The following UBR4 variants were observed in gnomAD, a reference collection of about 807,000 sequenced individuals.
The protein encoded by UBR4 is ubiquitin protein ligase E3 component n-recognin 4, also known as E3 ubiquitin-protein ligase UBR4.
UBR4 carries 124 observed loss-of-function variants against 575.6 expected under a neutral mutation model. The observed-to-expected ratio is 0.22, with a 90% CI of 0.19 to 0.25. The LOEUF is 0.25. Among genes scored for constraint, UBR4 ranks in the 10% least tolerant of loss-of-function variants. The pLI is 1.00. For missense variants in UBR4, 4,818 were observed against 6,478.8 expected, an observed-to-expected ratio of 0.74 and a Z score of 8.80; for synonymous variants, 2,455 against 2,473.7, an observed-to-expected ratio of 0.99 and a Z score of 0.22.
chr1:19,143,262 GAAA>G (rs1427034643), intron 55 of UBR4, among the ~76,000 whole-genome samples: 1,631 of 38,132 alleles, frequency 0.043, 26 homozygotes, highest in Middle Eastern at 0.081. Flanking sequence ...AAGGAAGGAA[GAAA>G]GAAAGAAAGA....
intron 33 of UBR4, 75 bp downstream of exon 33, chr1:19,164,178 C>A: frequency 6.6e-7 from 1 of 1,507,280 alleles, no homozygotes; most frequent in Non-Finnish European, 8.9e-7. Flanking sequence ...TCTGTACTCA[C>A]TTTGAGCTAT....
chr1:19,088,012 C>A lies in UBR4; in HGVS notation c.14431-83G>T, dbSNP rs1366585045. 2.8e-6 allele frequency: 3 copies of A among 1,068,132 alleles called. No homozygotes were observed. Among genetic ancestry groups the A allele is most frequent in the African/African-American group, 1.6e-5 (1 of 63,868 alleles). 66.2% of individuals were successfully genotyped at this position (1,068,132 alleles called of 1,614,324 possible). A position where few individuals can be genotyped will look rare whatever the true frequency, so the allele number is the denominator to read the frequency against. ...AGCTTGGAGATGCTCAGGAACAGGG[C>A]TAACCTTCTACCTCCACTAAAAGGA... On this transcript the variant is annotated intron_variant, in intron 98 of 105. Coordinates refer to ENST00000375254, the MANE Select transcript of UBR4 (RefSeq NM_020765.3). The surrounding 1 kb of genome is among the most constrained non-coding windows in gnomAD (Gnocchi z 4.0).
chr1:19,109,017 C>A (rs1001756913), intron 81 of UBR4, among the ~76,000 whole-genome samples: 1 of 152,200 alleles, frequency 6.6e-6, no homozygotes, highest in Non-Finnish European at 1.5e-5. Context: ...GGAAATAATT[C>A]CTCCATCAAA....
At chr1:19,165,179 C>A in intron 31 of UBR4, 70 bp downstream of exon 31, 1 of 1,501,408 alleles carries the variant, frequency 6.7e-7, no homozygotes. Flanking sequence ...TAAACTCAGG[C>A]AGAAGATATG....
intron 103 of UBR4, 90 bp from the exon 104 acceptor site, chr1:19,078,156 TCA>T: frequency 1.5e-6 from 2 of 1,357,602 alleles, no homozygotes; most frequent in South Asian, 1.2e-5. Flanking sequence ...AAGGGAAGAG[TCA>T]CAGTGGTGTA....
rs2079745159 is a variant in UBR4, at chr1:19,110,617, ATTCTGGGGTAATGTTCTGCTCC to A, written c.11892+103_11892+124del. 7.2e-7 allele frequency: 1 copy of A among 1,386,624 alleles called. No homozygotes were observed. The highest frequency in any genetic ancestry group is 1.4e-5 in the African/African-American group (1 of 70,196). 85.9% of individuals were successfully genotyped at this position (1,386,624 alleles called of 1,614,324 possible). The stretch of plus-strand genomic sequence containing the variant: ...CTCCAGGCTCTTCCCTGGGAAAACC[ATTCTGGGGTAATGTTCTGCTCC>A]TTCCCTCCTCAGTCACCGCAGGACC... On this transcript the variant is annotated intron_variant, in intron 79 of 105. Coordinates refer to ENST00000375254, the MANE Select transcript of UBR4 (RefSeq NM_020765.3). The surrounding 1 kb of genome is among the most constrained non-coding windows in gnomAD (Gnocchi z 4.5).
At position 19,093,906 on chromosome 1, in the gene UBR4, A is replaced by G; in HGVS notation, c.13937+43T>C. Reference sequence around the variant, plus strand: ...TCTCACAGACCTAGTTCGGCGTTTTAGTGGAGACTCTCATTTCACTATATG... The same window carrying G: ...TCTCACAGACCTAGTTCGGCGTTTTGGTGGAGACTCTCATTTCACTATATG... On this transcript the variant is annotated intron_variant, in intron 95 of 105. Transcript: ENST00000375254. This position sits in a 1 kb window ranked among gnomAD's most constrained non-coding sequence, Gnocchi z 4.8. 6.3e-7 allele frequency: 1 copy of G among 1,581,890 alleles called. No individual in the cohort carries two copies. The highest frequency in any genetic ancestry group is 1.2e-5 in the South Asian group (1 of 86,402).
intron 11 of UBR4, among the ~76,000 whole-genome samples, chr1:19,190,312 A>AAAAAAATATAT: frequency 2.8e-4 from 22 of 79,916 alleles, no homozygotes; most frequent in African/African-American, 4.8e-4. Flanking sequence ...AAAAAAAAAA[A>AAAAAAATATAT]ATATATATAT....
At chr1:19,197,907 G>A (rs747556089) in intron 6 of UBR4, 40 bp downstream of exon 6, 3 of 1,612,740 alleles carry the variant, frequency 1.9e-6, no homozygotes, top group Non-Finnish European at 2.5e-6. Context: ...ATTTTTGACA[G>A]CCCAGAAATC....
chr1:19,173,896 T>C (rs1381946568), intron 22 of UBR4, among the ~76,000 whole-genome samples: 1 of 152,160 alleles, frequency 6.6e-6, no homozygotes, highest in East Asian at 1.9e-4. Context: ...CCCCAATAAT[T>C]TACCAATTAA....
rs2092517178 is a variant in UBR4, at chr1:19,197,319, T to C, written c.894-54A>G. Reference sequence around the variant, plus strand: ...CTCTTAGAATCATTCACTTCTATAATGTGACAGTTAAAGAAATTATCAGCA... The same window carrying C: ...CTCTTAGAATCATTCACTTCTATAACGTGACAGTTAAAGAAATTATCAGCA... On this transcript the variant is annotated intron_variant, in intron 7 of 105. Transcript: ENST00000375254. 8 of 1,608,918 alleles carry C rather than the reference T, an allele frequency of 5.0e-6. No homozygotes were observed. In the Admixed American group the frequency reaches 1.0e-4, roughly 20 times the overall value.
intron 97 of UBR4, 44 bp downstream of exon 97, chr1:19,092,775 A>C: frequency 6.6e-7 from 1 of 1,510,602 alleles, no homozygotes; most frequent in Non-Finnish European, 9.0e-7. Flanking sequence ...GGGTAGTTAT[A>C]CTTGTACCCC....
At chr1:19,115,789 G>T in intron 73 of UBR4, 152 bp from the exon 74 acceptor site, 1 of 1,284,774 alleles carries the variant, frequency 7.8e-7, no homozygotes, top group Non-Finnish European at 1.1e-6. Flanking sequence ...TAGGAAGCCA[G>T]TTTTAAAAAA....
At chr1:19,189,235 A>G (rs200418120) in intron 11 of UBR4, among the ~76,000 whole-genome samples, 6 of 151,872 alleles carry the variant, frequency 4.0e-5, no homozygotes, top group African/African-American at 1.5e-4. Context: ...GCTGGTGTCA[A>G]TGCAGATTAG....
At chr1:19,132,363 G>A (rs529247267) in intron 60 of UBR4, among the ~76,000 whole-genome samples, 2 of 151,782 alleles carry the variant, frequency 1.3e-5, no homozygotes, top group Non-Finnish European at 2.9e-5. Flanking sequence ...TATATTTTTA[G>A]TAGAGACAGG....
Position 19,156,301 on chromosome 1 carries a change from C to T in UBR4, c.6042G>A (p.Glu2014=), listed in dbSNP as rs2086446253. The T allele has an allele frequency of 6.2e-7, 1 of 1,614,110 alleles. No homozygotes were observed. The highest frequency in any genetic ancestry group is 8.5e-7 in the Non-Finnish European group (1 of 1,180,040). ...KAVWLPGSQT[E]LAIVTADFVK... Reference sequence around the variant, plus strand: ...CAAAGTCTGCGGTGACAATTGCTAACTCGGTCTGTGAACCAGGTAACCACA... The same window carrying T: ...CAAAGTCTGCGGTGACAATTGCTAATTCGGTCTGTGAACCAGGTAACCACA... Residue 2014 remains glutamate, a synonymous_variant, in exon 42 of 106, where the codon GAG becomes GAA. Transcript: ENST00000375254.
Position 19,174,251 on chromosome 1 carries a change from A to G in UBR4, c.2982+68T>C, listed in dbSNP as rs55708634. ...AATAAACTGGTTACATTTCAGAAGG[A>G]AATTTCTGATAGAAATGATCAATGA... On this transcript the variant is annotated intron_variant, in intron 22 of 105. Coordinates refer to ENST00000375254, the MANE Select transcript of UBR4 (RefSeq NM_020765.3). 1.9e-3 allele frequency: 2,915 copies of G among 1,546,724 alleles called. 47 individuals carry two copies. In the African/African-American group the frequency reaches 0.036, roughly 19 times the overall value.
At position 19,150,657 on chromosome 1, in the gene UBR4, A is replaced by C. The variant is rs1456949384; in HGVS notation, c.7350T>G (p.Pro2450=). Reference sequence around the variant, plus strand: ...TGCCGTTGCTCTGGTTCAGATTTGAAGGGCAGATGTTGCTGACAGAGGCAG... The same window carrying C: ...TGCCGTTGCTCTGGTTCAGATTTGACGGGCAGATGTTGCTGACAGAGGCAG... ...FPSASVSNIC[P]SNLNQSNGTG... The change falls in exon 49 of 106, where the codon CCT becomes CCG. Residue 2450 remains proline, a synonymous_variant. Transcript: ENST00000375254. 5 of 1,614,116 alleles carry C rather than the reference A, an allele frequency of 3.1e-6. No individual in the cohort carries two copies. Among genetic ancestry groups the C allele is most frequent in the Non-Finnish European group, 4.2e-6 (5 of 1,180,014 alleles).
intron 2 of UBR4, among the ~76,000 whole-genome samples, chr1:19,200,214 A>T (rs1181751051): frequency 6.6e-6 from 1 of 152,022 alleles, no homozygotes; most frequent in African/African-American, 2.4e-5. Context: ...CACTGGAAGA[A>T]TTGTCTTAGG....
Sources: gnomAD v4.1 joint callset for allele counts (sites outside exome capture counted in the v4.1 genomes callset) on GRCh38, gnomAD v4.1.1 for gene constraint, Gnocchi (gnomAD v3.1) non-coding constraint, MANE v1.5 for transcripts, NCBI Gene and HGNC (gene_info 2026-07-23, HGNC 2026-07-21) for gene names.